The following PAX2 variants were observed in gnomAD, a reference collection of about 807,000 sequenced individuals.
PAX2 encodes the protein paired box protein Pax-2.
PAX2 carries 9 observed loss-of-function variants against 41.7 expected under a neutral mutation model. The ratio of observed to expected loss-of-function variants is 0.22; its 90% CI spans 0.13 to 0.38. The LOEUF (loss-of-function observed/expected upper bound fraction) is 0.38, where lower values mean the gene tolerates loss of function less well. Among genes scored for constraint, PAX2 ranks in the 10% least tolerant of loss-of-function variants. The pLI is 1.00. For missense variants in PAX2, 418 were observed against 531.6 expected (o/e 0.79, Z 2.10); for synonymous variants, 221 against 212.7 (o/e 1.04, Z -0.34).
chr10:100,773,240 G>A (rs1160506678), intron 3 of PAX2, among the ~76,000 whole-genome samples: 3 of 152,148 alleles, frequency 2.0e-5, no homozygotes, highest in African/African-American at 7.2e-5. Context: ...ATAGAACATT[G>A]CCTAGCACAT....
In PAX2 at chr10:100,748,710, G is replaced by C. The variant is rs1845308655; in HGVS notation, c.44-1036G>C. 1.0e-6 allele frequency: 1 copy of C among 985,522 alleles called. No individual in the cohort carries two copies. The highest frequency in any genetic ancestry group is 1.1e-4 in the East Asian group (1 of 8,822). 61.0% of individuals were successfully genotyped at this position (985,522 alleles called of 1,614,324 possible). On this transcript the variant is annotated intron_variant, in intron 1 of 9. Transcript: ENST00000355243. This position sits in a 1 kb window ranked among gnomAD's most constrained non-coding sequence, Gnocchi z 5.0. ...GCCTCGGTTCCGAGATCGGGAGCCCGCGCTGGAGCCGGGTTGGAAACCCCG... is the reference window on the plus strand; with the variant it reads ...GCCTCGGTTCCGAGATCGGGAGCCCCCGCTGGAGCCGGGTTGGAAACCCCG...
Position 100,824,925 on chromosome 10 carries a change from T to C in PAX2, c.1021+176T>C. 1 of 1,614,020 alleles carries C rather than the reference T, an allele frequency of 6.2e-7. No homozygotes were observed. On this transcript the variant is annotated intron_variant, in intron 8 of 9. Transcript: ENST00000355243. The surrounding 1 kb of genome is among the most constrained non-coding windows in gnomAD (Gnocchi z 6.6). ...AGAGGCTGCAGTTGGTCCCTCATCC[T>C]CCCTCATGAGCAAGCCGGGGAGGAA...
intron 3 of PAX2, among the ~76,000 whole-genome samples, chr10:100,751,301 G>A (rs768124338): frequency 2.6e-4 from 40 of 152,196 alleles, no homozygotes; most frequent in Non-Finnish European, 4.6e-4. Context: ...AGGGGCCGCC[G>A]CTTGTCCTGG....
At chr10:100,783,523 G>A (rs1846718757) in intron 5 of PAX2, among the ~76,000 whole-genome samples, 1 of 152,214 alleles carries the variant, frequency 6.6e-6, no homozygotes, top group African/African-American at 2.4e-5. Flanking sequence ...TGACCAGAAG[G>A]CCCTTTGGCC....
In PAX2 at chr10:100,824,828, T is replaced by C. The variant is rs1848495078; in HGVS notation, c.1021+79T>C. 6.6e-7 allele frequency: 1 copy of C among 1,511,410 alleles called. No individual in the cohort carries two copies. Among genetic ancestry groups the C allele is most frequent in the Admixed American group, 1.7e-5 (1 of 59,894 alleles). 93.6% of individuals were successfully genotyped at this position (1,511,410 alleles called of 1,614,324 possible). A position where few individuals can be genotyped will look rare whatever the true frequency, so the allele number is the denominator to read the frequency against. On this transcript the variant is annotated intron_variant, in intron 8 of 9. Transcript: ENST00000355243. The surrounding 1 kb of genome is among the most constrained non-coding windows in gnomAD (Gnocchi z 6.6). ...GTGAGCTGCTGAATGGTCTGTAGTC[T>C]GAGGCTGGGGTGGGGGGAGACACAA...
At chr10:100,804,138 C>T (rs890892570) in intron 5 of PAX2, among the ~76,000 whole-genome samples, 1 of 152,022 alleles carries the variant, frequency 6.6e-6, no homozygotes, top group Non-Finnish European at 1.5e-5. Context: ...CTCTGCGGGC[C>T]GGGGAGAGAG....
intron 3 of PAX2, among the ~76,000 whole-genome samples, chr10:100,755,174 G>C (rs1437839730): frequency 6.6e-6 from 1 of 152,218 alleles, no homozygotes; most frequent in Non-Finnish European, 1.5e-5. Context: ...AAATGAGCTG[G>C]AGTTGTCCTC....
chr10:100,748,362 A>T lies in PAX2; in HGVS notation c.44-1384A>T. On this transcript the variant is annotated intron_variant, in intron 1 of 9. Transcript: ENST00000355243. This position sits in a 1 kb window ranked among gnomAD's most constrained non-coding sequence, Gnocchi z 5.0. ...GCAAGGGGGTAAAAGAAGGGGCTTC[A>T]GTCTCTCCCAGCAACGCGATCAGAG... 1 of 984,430 alleles carries T rather than the reference A, an allele frequency of 1.0e-6. No homozygotes were observed. Among genetic ancestry groups the T allele is most frequent in the Non-Finnish European group, 1.2e-6 (1 of 829,260 alleles). The allele number at this position is 984,430 out of a possible 1,614,324, so 61.0% of individuals were successfully genotyped here. A position where few individuals can be genotyped will look rare whatever the true frequency, so the allele number is the denominator to read the frequency against.
intron 1 of PAX2, among the ~76,000 whole-genome samples, chr10:100,737,170 A>T (rs892500317): frequency 6.6e-6 from 1 of 152,130 alleles, no homozygotes; most frequent in Non-Finnish European, 1.5e-5. Context: ...CTCTGCCTGC[A>T]TTGCAGGCCT....
rs1419890931 is a variant in PAX2 at position 100,791,055 on chromosome 10, G to A, written c.616+9690G>A. Among the ~76,000 whole-genome samples the A allele has an allele frequency of 9.9e-5, 15 of 152,204 alleles. No individual in the cohort carries two copies. The highest frequency in any genetic ancestry group is 2.2e-4 in the Non-Finnish European group (15 of 68,044). ...CCTCACAAACCTCAACCTGCACGGAGGCCTGGCCTTCCCTCCCTCCCATTC... is the reference window on the plus strand; with the variant it reads ...CCTCACAAACCTCAACCTGCACGGAAGCCTGGCCTTCCCTCCCTCCCATTC... On this transcript the variant is annotated intron_variant, in intron 5 of 9. Transcript: ENST00000355243. The surrounding 1 kb of genome is among the most constrained non-coding windows in gnomAD (Gnocchi z 4.5).
At chr10:100,768,441 C>G (rs1042160652) in intron 3 of PAX2, among the ~76,000 whole-genome samples, 1 of 152,134 alleles carries the variant, frequency 6.6e-6, no homozygotes, top group Non-Finnish European at 1.5e-5. Flanking sequence ...TTCACCGAAG[C>G]CTATAGCAGC....
chr10:100,813,447 G>T (rs933356669), intron 7 of PAX2, among the ~76,000 whole-genome samples: 1 of 152,206 alleles, frequency 6.6e-6, no homozygotes, highest in Non-Finnish European at 1.5e-5. Flanking sequence ...TATTGGAGAG[G>T]CCGCTGGCAT....
At position 100,809,264 on chromosome 10, in the gene PAX2, C is replaced by A. The variant is rs1248599217; in HGVS notation, c.919+28C>A. The A allele has an allele frequency of 3.1e-6, 5 of 1,607,504 alleles. No homozygotes were observed. In the African/African-American group the frequency reaches 6.7e-5, roughly 21 times the overall value. ...AAGGGGGCTTCCAGGAGGGTGGGGG[C>A]ACTGCGTTCAGTGGAGGGTGCCTCA... is the stretch of plus-strand genomic sequence containing the variant. On this transcript the variant is annotated intron_variant, in intron 7 of 9. Transcript: ENST00000355243.
At position 100,750,620 on chromosome 10, in the gene PAX2, A is replaced by C; in HGVS notation, c.213-74A>C. On this transcript the variant is annotated intron_variant, in intron 2 of 9. Coordinates refer to ENST00000355243, the MANE Select transcript of PAX2 (RefSeq NM_000278.5). The surrounding 1 kb of genome is among the most constrained non-coding windows in gnomAD (Gnocchi z 4.1). ...CGGCCGGGCAGGAGAGTGGCTCAGCAGCTCTGGAACCTGCAGCCCCCCTGC... is the reference window on the plus strand; with the variant it reads ...CGGCCGGGCAGGAGAGTGGCTCAGCCGCTCTGGAACCTGCAGCCCCCCTGC... The C allele has an allele frequency of 7.6e-7, 1 of 1,318,252 alleles. No homozygotes were observed. The highest frequency in any genetic ancestry group is 1.1e-6 in the Non-Finnish European group (1 of 923,560). The allele number at this position is 1,318,252 out of a possible 1,614,324, so 81.7% of individuals were successfully genotyped here.
At chr10:100,780,475 G>A (rs1361919311) in intron 4 of PAX2, among the ~76,000 whole-genome samples, 2 of 152,260 alleles carry the variant, frequency 1.3e-5, no homozygotes, top group East Asian at 3.9e-4. Flanking sequence ...GAAATGACTA[G>A]TTCCAGCCCT....
At chr10:100,784,244 C>T (rs1205950950) in intron 5 of PAX2, among the ~76,000 whole-genome samples, 1 of 152,270 alleles carries the variant, frequency 6.6e-6, no homozygotes, top group Non-Finnish European at 1.5e-5. Flanking sequence ...GCTGGCAGGC[C>T]AGTCACAGAA....
chr10:100,765,468 C>T (rs1036252094), intron 3 of PAX2, among the ~76,000 whole-genome samples: 1 of 152,186 alleles, frequency 6.6e-6, no homozygotes, highest in Non-Finnish European at 1.5e-5. Context: ...TTCTCAAATT[C>T]CTAGATTTCA....
intron 7 of PAX2, among the ~76,000 whole-genome samples, chr10:100,815,193 A>T (rs1415499132): frequency 1.3e-5 from 2 of 152,188 alleles, no homozygotes; most frequent in Non-Finnish European, 2.9e-5. Flanking sequence ...TTCCCTCCAT[A>T]AAACAAACAG....
At position 100,791,005 on chromosome 10, in the gene PAX2, C is replaced by A. The variant is rs907413645; in HGVS notation, c.616+9640C>A. 2.0e-5 allele frequency among the ~76,000 whole-genome samples: 3 copies of A among 152,232 alleles called. No homozygotes were observed. The highest frequency in any genetic ancestry group is 7.2e-5 in the African/African-American group (3 of 41,464). On this transcript the variant is annotated intron_variant, in intron 5 of 9. Coordinates refer to ENST00000355243, the MANE Select transcript of PAX2 (RefSeq NM_000278.5). This position sits in a 1 kb window ranked among gnomAD's most constrained non-coding sequence, Gnocchi z 4.5. Reference sequence around the variant, plus strand: ...CCTTCGGTGAACCTGAACCTGCTGACCTTGACAGCACTAGACAACAGAGGC... The same window carrying A: ...CCTTCGGTGAACCTGAACCTGCTGAACTTGACAGCACTAGACAACAGAGGC...
Sources: allele counts gnomAD v4.1 joint callset (sites outside exome capture counted in the v4.1 genomes callset), GRCh38; gene constraint gnomAD v4.1.1; non-coding constraint Gnocchi (gnomAD v3.1); transcripts MANE v1.5; gene names NCBI Gene and HGNC (gene_info 2026-07-23, HGNC 2026-07-21).